The following HMCN1 variants were observed in gnomAD, a reference collection of about 807,000 sequenced individuals.
HMCN1 encodes hemicentin 1.
A neutral mutation model predicts 625.9 loss-of-function variants in HMCN1; 321 were observed. That is an observed-to-expected ratio of 0.51 (90% CI 0.47 to 0.56). The LOEUF (loss-of-function observed/expected upper bound fraction) is 0.56. Ranked by LOEUF, HMCN1 falls within the 20% of genes least tolerant of loss-of-function variation. The pLI is 0.00. For synonymous variants in HMCN1, 2,425 were observed against 2,417.6 expected (o/e 1.00, Z -0.09); for missense variants, 6,588 against 6,887.3 (o/e 0.96, Z 1.54).
rs1161315464 is a variant in HMCN1 at position 186,093,240 on chromosome 1, T to C, written c.9994T>C (p.Phe3332Leu). The change falls in exon 65 of 107, where the codon TTT (phenylalanine) becomes CTT (leucine). Residue 3332 changes from phenylalanine (F) to leucine (L), a missense_variant. Coordinates refer to ENST00000271588, the MANE Select transcript of HMCN1 (RefSeq NM_031935.3). ...TNPAGEEDRI[F>L]NLNVYVTPTI... is the part of the protein sequence containing the mutation. ...TCCCGCTGGAGAAGAAGACCGAATT[T>C]TTAACTTGAATGTCTATGGTAAATA... 1.2e-6 allele frequency: 2 copies of C among 1,613,246 alleles called. No homozygotes were observed. The highest frequency in any genetic ancestry group is 4.5e-5 in the East Asian group (2 of 44,858).
intron 1 of HMCN1, among the ~76,000 whole-genome samples, chr1:185,832,100 A>C (rs12057982): frequency 0.24 from 36,129 of 152,000 alleles, 4,687 homozygotes; most frequent in Non-Finnish European, 0.29. Flanking sequence ...GTTCGAGACC[A>C]GCCTGGCCAA....
intron 85 of HMCN1, among the ~76,000 whole-genome samples, chr1:186,131,591 C>T (rs1397920823): frequency 6.6e-6 from 1 of 152,074 alleles, no homozygotes; most frequent in Non-Finnish European, 1.5e-5. Flanking sequence ...TCAAATTAAA[C>T]ATCTAAACCA....
chr1:185,735,959 A>G (rs1653536507), intron 1 of HMCN1, among the ~76,000 whole-genome samples: 1 of 152,240 alleles, frequency 6.6e-6, no homozygotes, highest in Non-Finnish European at 1.5e-5. Flanking sequence ...ATTTCTTAAC[A>G]GTCCTCCCCC....
intron 4 of HMCN1, among the ~76,000 whole-genome samples, chr1:185,902,757 G>C (rs1194737391): frequency 6.6e-6 from 1 of 151,582 alleles, no homozygotes; most frequent in Non-Finnish European, 1.5e-5. Flanking sequence ...TTTCCAGGTA[G>C]CCAGCGATAA....
intron 1 of HMCN1, among the ~76,000 whole-genome samples, chr1:185,769,205 C>T (rs761477498): frequency 3.3e-5 from 5 of 152,032 alleles, no homozygotes; most frequent in Non-Finnish European, 5.9e-5. Context: ...CCCAGCACTT[C>T]GGAAGGCTGA....
intron 29 of HMCN1, among the ~76,000 whole-genome samples, chr1:186,006,853 CAA>C (rs1302490599): frequency 6.6e-6 from 1 of 151,404 alleles, no homozygotes; most frequent in African/African-American, 2.4e-5. Flanking sequence ...ATGAATAAAA[CAA>C]ATAATGACAC....
In HMCN1 at chr1:186,118,989, C is replaced by T. The variant is rs190823018; in HGVS notation, c.11849-202C>T. 2.3e-3 allele frequency among the ~76,000 whole-genome samples: 349 copies of T among 152,024 alleles called. 1 individual carries two copies. Among genetic ancestry groups the T allele is most frequent in the Non-Finnish European group, 4.3e-3 (292 of 67,974 alleles). On this transcript the variant is annotated intron_variant, in intron 77 of 106. Coordinates refer to ENST00000271588, the MANE Select transcript of HMCN1 (RefSeq NM_031935.3). ...TGAATTGCGCATTTAAATGAGTGACCCTTATGATATGTAAATTATGCCTCA... is the reference window on the plus strand; with the variant it reads ...TGAATTGCGCATTTAAATGAGTGACTCTTATGATATGTAAATTATGCCTCA...
In HMCN1 at chr1:186,001,855, T is replaced by G; in HGVS notation, c.4348+114T>G. 6 of 854,730 alleles carry G rather than the reference T, an allele frequency of 7.0e-6. 1 individual carries two copies. In the South Asian group the frequency reaches 9.5e-5, roughly 14 times the overall value. 52.9% of individuals were successfully genotyped at this position (854,730 alleles called of 1,614,324 possible). ...AGATAAATTGACAGAAAAACTATAGTTTCATTCTATTATTTTTGTCCTTAT... is the reference window on the plus strand; with the variant it reads ...AGATAAATTGACAGAAAAACTATAGGTTCATTCTATTATTTTTGTCCTTAT... On this transcript the variant is annotated intron_variant, in intron 28 of 106. Transcript: ENST00000271588.
chr1:186,034,452 C>T (rs72718888), intron 36 of HMCN1, among the ~76,000 whole-genome samples: 1,604 of 152,018 alleles, frequency 0.011, 12 homozygotes, highest in Middle Eastern at 0.037. Context: ...TTTAAAATAC[C>T]CCTGGGGAAA....
chr1:185,948,699 G>C (rs1011474963), intron 11 of HMCN1, among the ~76,000 whole-genome samples: 3 of 151,844 alleles, frequency 2.0e-5, no homozygotes, highest in African/African-American at 7.3e-5. Flanking sequence ...CAGGGGATGC[G>C]ATGGCTTGGC....
chr1:186,129,056 A>G (rs1661790722), intron 83 of HMCN1, among the ~76,000 whole-genome samples: 1 of 152,072 alleles, frequency 6.6e-6, no homozygotes, highest in African/African-American at 2.4e-5. Context: ...TAATAACAAT[A>G]CATCTCACTA....
intron 4 of HMCN1, among the ~76,000 whole-genome samples, chr1:185,895,211 TA>T (rs1365763273): frequency 1.3e-5 from 2 of 152,246 alleles, no homozygotes; most frequent in Non-Finnish European, 2.9e-5. Flanking sequence ...TTTGTAAATA[TA>T]TGTTGCAAGT....
chr1:186,179,801 G>A (rs528257533), intron 104 of HMCN1, among the ~76,000 whole-genome samples: 1 of 151,980 alleles, frequency 6.6e-6, no homozygotes, highest in East Asian at 1.9e-4. Flanking sequence ...CCCAAGCCCT[G>A]TTACTTCATT....
intron 6 of HMCN1, among the ~76,000 whole-genome samples, chr1:185,921,203 G>A (rs1169053631): frequency 6.6e-6 from 1 of 152,140 alleles, no homozygotes; most frequent in African/African-American, 2.4e-5. Flanking sequence ...ATAGTAACTA[G>A]CTGCATCATT....
chr1:185,810,630 G>A (rs1339706685), intron 1 of HMCN1, among the ~76,000 whole-genome samples: 1 of 150,824 alleles, frequency 6.6e-6, no homozygotes, highest in African/African-American at 2.5e-5. Context: ...TTCCTAAAGA[G>A]TGACAACTAA....
At chr1:185,752,045 T>C (rs2102096456) in intron 1 of HMCN1, among the ~76,000 whole-genome samples, 1 of 152,296 alleles carries the variant, frequency 6.6e-6, no homozygotes, top group East Asian at 1.9e-4. Flanking sequence ...CCTTGGCTTG[T>C]ATACTACCGG....
rs527291091 is a variant in HMCN1 at position 186,144,475 on chromosome 1, G to A, written c.14096-58G>A. The A allele has an allele frequency of 6.2e-6, 10 of 1,612,568 alleles. No individual in the cohort carries two copies. The East Asian group carries it at 1.3e-4, about 22-fold the overall frequency. On this transcript the variant is annotated intron_variant, in intron 90 of 106. Transcript: ENST00000271588. ...ATCTCTCAAACTAACAATGCCCAGA[G>A]TGTAACACGATGGTTCCTAGGTAGT...
intron 1 of HMCN1, among the ~76,000 whole-genome samples, chr1:185,814,180 C>T (rs1302002488): frequency 6.6e-6 from 1 of 152,162 alleles, no homozygotes; most frequent in Non-Finnish European, 1.5e-5. Flanking sequence ...CCTTCACAAT[C>T]GAGTCTTCTT....
Position 186,067,996 on chromosome 1 carries a change from G to T in HMCN1, c.7868G>T (p.Arg2623Leu), listed in dbSNP as rs747160146. The T allele has an allele frequency of 6.2e-7, 1 of 1,612,858 alleles. No individual in the cohort carries two copies. The highest frequency in any genetic ancestry group is 1.3e-5 in the African/African-American group (1 of 74,878). ...CCTTTAGAATCTAACCGAAATATTC[G>T]TATTCTTCCAGGTAATTCATTTGCT... ...GTPLESNRNI[R>L]ILPGGRTLQI... Residue 2623 changes from arginine (R) to leucine (L), a missense_variant, in exon 50 of 107, where the codon CGT becomes CTT. Arg to Leu is a moderately radical substitution (Grantham distance 102). Around this residue, in one of 3 missense-constraint regions of HMCN1, gnomAD observed 4,628 missense variants for 4,853.1 expected, o/e 0.95. Transcript: ENST00000271588.
Sources: allele counts gnomAD v4.1 joint callset (sites outside exome capture counted in the v4.1 genomes callset), GRCh38; gene constraint gnomAD v4.1.1; regional missense constraint gnomAD v4.1.1; transcripts MANE v1.5; gene names NCBI Gene and HGNC (gene_info 2026-07-23, HGNC 2026-07-21).